Variants in NOS1AP observed in about 807,000 individuals in gnomAD.
NOS1AP encodes nitric oxide synthase 1 adaptor protein.
Under a neutral mutation model 56.2 loss-of-function variants are expected in NOS1AP, and 21 were observed. The observed-to-expected ratio is 0.37, with a 90% CI of 0.26 to 0.54. The LOEUF (loss-of-function observed/expected upper bound fraction) is 0.54. Among genes scored for constraint, NOS1AP ranks in the 20% least tolerant of loss-of-function variants. The pLI is 0.84. For synonymous variants in NOS1AP, 270 were observed against 274.6 expected, an observed-to-expected ratio of 0.98 and a Z score of 0.17; for missense variants, 522 against 657.8, an observed-to-expected ratio of 0.79 and a Z score of 2.26.
intron 4 of NOS1AP, among the ~76,000 whole-genome samples, chr1:162,304,176 C>G (rs1391874763): frequency 6.6e-6 from 1 of 152,064 alleles, no homozygotes; most frequent in Non-Finnish European, 1.5e-5. Context: ...TCCTTCTCCT[C>G]CTCCTCTTCC....
At chr1:162,364,220 G>A (rs564943595) in intron 8 of NOS1AP, 26 of 985,360 alleles carry the variant, frequency 2.6e-5, no homozygotes, top group South Asian at 1.4e-4. Flanking sequence ...CTGCATCCTC[G>A]TCCCACCTCT....
intron 3 of NOS1AP, among the ~76,000 whole-genome samples, chr1:162,298,059 A>C (rs1655529460): frequency 3.3e-5 from 5 of 152,246 alleles, no homozygotes. Flanking sequence ...ATAACAAGGC[A>C]GAAAACTGTC....
intron 4 of NOS1AP, among the ~76,000 whole-genome samples, chr1:162,304,343 CTT>C (rs1383004787): frequency 6.6e-6 from 1 of 152,202 alleles, no homozygotes; most frequent in Non-Finnish European, 1.5e-5. Context: ...TTTCTGGACT[CTT>C]TATTCTGTCC....
intron 2 of NOS1AP, among the ~76,000 whole-genome samples, chr1:162,221,729 T>C (rs1652788215): frequency 6.6e-6 from 1 of 152,202 alleles, no homozygotes; most frequent in African/African-American, 2.4e-5. Context: ...AAATATTAAA[T>C]TTAAAAACGT....
intron 3 of NOS1AP, among the ~76,000 whole-genome samples, chr1:162,295,252 A>T (rs1655420766): frequency 1.3e-5 from 2 of 152,156 alleles, no homozygotes; most frequent in South Asian, 4.1e-4. Flanking sequence ...CTGGCATATC[A>T]TGGAGACCAC....
Position 162,315,420 on chromosome 1 carries a change from C to T in NOS1AP, c.344+14714C>T, listed in dbSNP as rs548129109. 3.9e-5 allele frequency among the ~76,000 whole-genome samples: 6 copies of T among 152,302 alleles called. No individual in the cohort carries two copies. In the East Asian group the frequency reaches 5.8e-4, roughly 15 times the overall value. On this transcript the variant is annotated intron_variant, in intron 4 of 9. Coordinates refer to ENST00000361897, the MANE Select transcript of NOS1AP (RefSeq NM_014697.3). ...CTCTGGCCTGACTGGGTAAGCTTTC[C>T]GTGGCTTCCATCTTGTGTCCTGGCA... is the stretch of plus-strand genomic sequence containing the variant.
At chr1:162,071,993 G>C (rs1197826878) in intron 1 of NOS1AP, among the ~76,000 whole-genome samples, 1 of 151,972 alleles carries the variant, frequency 6.6e-6, no homozygotes, top group African/African-American at 2.4e-5. Context: ...CCAGGAGTTA[G>C]AGACTGCAGT....
chr1:162,260,004 T>C (rs1654158188), intron 2 of NOS1AP, among the ~76,000 whole-genome samples: 1 of 152,166 alleles, frequency 6.6e-6, no homozygotes, highest in African/African-American at 2.4e-5. Flanking sequence ...GAATCCCTTC[T>C]AGTTTCTCCC....
Position 162,154,485 on chromosome 1 carries a change from C to A in NOS1AP, c.177+9C>A, listed in dbSNP as rs956495350. 2 of 1,613,700 alleles carry A rather than the reference C, an allele frequency of 1.2e-6. No individual in the cohort carries two copies. Among genetic ancestry groups the A allele is most frequent in the Admixed American group, 3.3e-5 (2 of 60,010 alleles). ...CCATGCGCCGGATACGGGTGAGTGG[C>A]CAGAGGTGGACTGTGTGGAGCGGGG... On this transcript the variant is annotated intron_variant, in intron 2 of 9. Transcript: ENST00000361897.
chr1:162,201,707 A>G (rs1023465400), intron 2 of NOS1AP, among the ~76,000 whole-genome samples: 1 of 152,080 alleles, frequency 6.6e-6, no homozygotes, highest in African/African-American at 2.4e-5. Context: ...AGTGATATTG[A>G]GCTTTTCTTT....
chr1:162,335,891 T>C (rs1656925626), intron 5 of NOS1AP, among the ~76,000 whole-genome samples: 1 of 152,192 alleles, frequency 6.6e-6, no homozygotes, highest in African/African-American at 2.4e-5. Flanking sequence ...TTAGCTTTCC[T>C]GGTTGAGGGC....
chr1:162,193,184 G>A (rs1651696935), intron 2 of NOS1AP, among the ~76,000 whole-genome samples: 1 of 152,160 alleles, frequency 6.6e-6, no homozygotes, highest in African/African-American at 2.4e-5. Context: ...CTGTGAAGTG[G>A]CTGGAAAGGA....
chr1:162,104,481 G>A (rs573779392), intron 1 of NOS1AP, among the ~76,000 whole-genome samples: 1 of 152,096 alleles, frequency 6.6e-6, no homozygotes, highest in African/African-American at 2.4e-5. Flanking sequence ...TAGTTCTCCT[G>A]CATGATATCC....
At chr1:162,328,876 C>T (rs568305254) in intron 4 of NOS1AP, among the ~76,000 whole-genome samples, 85 of 152,300 alleles carry the variant, frequency 5.6e-4, no homozygotes, top group African/African-American at 2.0e-3. Context: ...GAGATGCTGG[C>T]TTGTATCCAG....
At chr1:162,187,221 C>G (rs1173052115) in intron 2 of NOS1AP, among the ~76,000 whole-genome samples, 1 of 152,170 alleles carries the variant, frequency 6.6e-6, no homozygotes, top group Non-Finnish European at 1.5e-5. Flanking sequence ...CCCGCCTAGG[C>G]CTCCCAAAGT....
At chr1:162,299,344 A>C (rs1655569592) in intron 3 of NOS1AP, among the ~76,000 whole-genome samples, 1 of 152,208 alleles carries the variant, frequency 6.6e-6, no homozygotes, top group Admixed American at 6.5e-5. Context: ...TCATTTTACC[A>C]GGTTTTGGGG....
At chr1:162,221,689 G>A (rs182307917) in intron 2 of NOS1AP, among the ~76,000 whole-genome samples, 188 of 152,016 alleles carry the variant, frequency 1.2e-3, no homozygotes, top group African/African-American at 4.4e-3. Context: ...TTCAAACGGA[G>A]GGTATTAAAT....
chr1:162,329,582 A>G (rs1019407972), intron 4 of NOS1AP, among the ~76,000 whole-genome samples: 2 of 152,172 alleles, frequency 1.3e-5, no homozygotes, highest in African/African-American at 4.8e-5. Flanking sequence ...GAAGGAAAGA[A>G]AAAGGGAAAT....
intron 2 of NOS1AP, among the ~76,000 whole-genome samples, chr1:162,283,468 T>C (rs1654997016): frequency 6.6e-6 from 1 of 152,086 alleles, no homozygotes. Context: ...GTTTGGGAAG[T>C]TGGGAAAAAG....
Sources: gnomAD v4.1 joint callset for allele counts (sites outside exome capture counted in the v4.1 genomes callset) on GRCh38, gnomAD v4.1.1 for gene constraint, MANE v1.5 for transcripts, NCBI Gene and HGNC (gene_info 2026-07-23, HGNC 2026-07-21) for gene names.